The following SCIN variants were observed in gnomAD, a reference collection of about 807,000 sequenced individuals.
SCIN encodes the protein scinderin, also known as adseverin.
In SCIN, 91 loss-of-function variants were observed where a neutral mutation model predicts 91.8. The ratio of observed to expected loss-of-function variants is 0.99; its 90% CI spans 0.84 to 1.18. The LOEUF (loss-of-function observed/expected upper bound fraction) is 1.18. Ranked by LOEUF, SCIN falls within the 50% of genes most tolerant of loss-of-function variation. The pLI is 0.00. For missense variants in SCIN, 1,087 were observed against 863.9 expected (o/e 1.26, Z -3.24); for synonymous variants, 367 against 312.6 (o/e 1.17, Z -1.84).
chr7:12,609,854 G>T (rs1783155858), intron 4 of SCIN, among the ~76,000 whole-genome samples: 1 of 118,958 alleles, frequency 8.4e-6, no homozygotes, highest in African/African-American at 3.2e-5. Flanking sequence ...TACATGCAAT[G>T]ATTGTTTCAG....
chr7:12,572,323 A>G (rs1243494314), intron 1 of SCIN, among the ~76,000 whole-genome samples: 1 of 152,240 alleles, frequency 6.6e-6, no homozygotes, highest in Non-Finnish European at 1.5e-5. Context: ...TATTCCTATT[A>G]TAATGTTGTA....
intron 3 of SCIN, among the ~76,000 whole-genome samples, chr7:12,600,450 G>T (rs1010642411): frequency 1.3e-5 from 2 of 152,024 alleles, no homozygotes; most frequent in African/African-American, 4.8e-5. Context: ...CACCACTAAA[G>T]AACTTATTCA....
intron 9 of SCIN, among the ~76,000 whole-genome samples, chr7:12,629,894 T>A (rs946056610): frequency 1.3e-5 from 2 of 152,032 alleles, no homozygotes; most frequent in African/African-American, 4.8e-5. Flanking sequence ...TAATGTGAAA[T>A]TCTCTAACTT....
chr7:12,605,196 C>T lies in SCIN; in HGVS notation c.666+533C>T, dbSNP rs557696606. On this transcript the variant is annotated intron_variant, in intron 4 of 15. Coordinates refer to ENST00000297029, the MANE Select transcript of SCIN (RefSeq NM_001112706.3). ...CCTCCCTAGTAGCTGGGACTACAGG[C>T]GCCCACCACCATACCTGGCTAATTT... 6.6e-5 allele frequency among the ~76,000 whole-genome samples: 10 copies of T among 152,226 alleles called. No homozygotes were observed. In the East Asian group the frequency reaches 9.7e-4, roughly 15 times the overall value.
At chr7:12,607,414 C>T (rs1219127100) in intron 4 of SCIN, among the ~76,000 whole-genome samples, 4 of 151,654 alleles carry the variant, frequency 2.6e-5, no homozygotes, top group Admixed American at 1.3e-4. Flanking sequence ...TTCAATGTTT[C>T]GAAAAAGAAA....
intron 2 of SCIN, among the ~76,000 whole-genome samples, chr7:12,579,147 A>G (rs992094226): frequency 3.3e-5 from 5 of 151,982 alleles, no homozygotes; most frequent in African/African-American, 1.2e-4. Context: ...CTTCACTACA[A>G]TTCTGACTGT....
chr7:12,574,445 G>A (rs1782329125), intron 1 of SCIN, among the ~76,000 whole-genome samples: 1 of 152,022 alleles, frequency 6.6e-6, no homozygotes, highest in Admixed American at 6.6e-5. Context: ...TGTTTTTGGT[G>A]GAACTATACA....
chr7:12,610,861 A>G (rs978155663), intron 4 of SCIN, among the ~76,000 whole-genome samples: 4 of 152,220 alleles, frequency 2.6e-5, no homozygotes, highest in Non-Finnish European at 4.4e-5. Context: ...GGCAGATGGC[A>G]TATACTCCAA....
chr7:12,616,819 T>C (rs1783308711), intron 4 of SCIN, among the ~76,000 whole-genome samples: 2 of 152,116 alleles, frequency 1.3e-5, no homozygotes, highest in African/African-American at 4.8e-5. Flanking sequence ...GACAACACAA[T>C]TGTGGACTTC....
intron 3 of SCIN, among the ~76,000 whole-genome samples, chr7:12,586,466 C>T (rs973371199): frequency 6.6e-6 from 1 of 152,050 alleles, no homozygotes; most frequent in African/African-American, 2.4e-5. Context: ...GAAAAGGGAA[C>T]TCTTATACGC....
At chr7:12,632,902 T>A (rs756668849) in intron 9 of SCIN, among the ~76,000 whole-genome samples, 8 of 152,140 alleles carry the variant, frequency 5.3e-5, no homozygotes, top group Non-Finnish European at 2.9e-5. Context: ...ATGTATATAT[T>A]GGGGGGATAT....
chr7:12,613,924 C>A lies in SCIN; in HGVS notation c.667-8877C>A, dbSNP rs140057827. The stretch of plus-strand genomic sequence containing the variant: ...ACATGCTGCTAAAATATATTAATAT[C>A]TGTATGTAAACAAAAAAGCTTCATA... On this transcript the variant is annotated intron_variant, in intron 4 of 15. Transcript: ENST00000297029. Among the ~76,000 whole-genome samples the A allele has an allele frequency of 2.6e-5, 4 of 152,174 alleles. No individual in the cohort carries two copies. The East Asian group carries it at 7.7e-4, about 29-fold the overall frequency.
intron 3 of SCIN, among the ~76,000 whole-genome samples, chr7:12,594,596 G>T (rs1045033493): frequency 1.3e-5 from 2 of 152,146 alleles, no homozygotes; most frequent in African/African-American, 4.8e-5. Flanking sequence ...ACGGATCCCT[G>T]AACGGAGGCC....
In SCIN at chr7:12,578,202, G is replaced by A; in HGVS notation, c.338G>A (p.Gly113Asp). 1 of 1,546,260 alleles carries A rather than the reference G, an allele frequency of 6.5e-7. No homozygotes were observed. Among genetic ancestry groups the A allele is most frequent in the East Asian group, 2.5e-5 (1 of 40,466 alleles). The part of the protein sequence containing the change: ...ESNDFVSYFK[G>D]GLKYKAGGVA... ...AATGACTTTGTTAGCTATTTCAAAG[G>A]CGGTCTGAAATACAAGGTAAGCAGC... The change falls in exon 2 of 16, where the codon GGC (glycine) becomes GAC (aspartate). Residue 113 changes from glycine to aspartate, a missense_variant. By Grantham distance (94) the Gly-to-Asp change is moderately conservative. Coordinates refer to ENST00000297029, the MANE Select transcript of SCIN (RefSeq NM_001112706.3).
At chr7:12,602,166 T>G (rs1782971318) in intron 3 of SCIN, among the ~76,000 whole-genome samples, 1 of 152,186 alleles carries the variant, frequency 6.6e-6, no homozygotes, top group African/African-American at 2.4e-5. Flanking sequence ...CAACTGGGCC[T>G]CCAGGGGTGA....
intron 4 of SCIN, among the ~76,000 whole-genome samples, chr7:12,608,908 G>A (rs1363446676): frequency 6.6e-6 from 1 of 152,176 alleles, no homozygotes; most frequent in African/African-American, 2.4e-5. Flanking sequence ...TCAATTAAAT[G>A]AGCCTGTTTT....
intron 2 of SCIN, among the ~76,000 whole-genome samples, chr7:12,579,160 T>C (rs1782438744): frequency 6.6e-5 from 10 of 152,106 alleles, no homozygotes; most frequent in Admixed American, 6.6e-4. Flanking sequence ...CTGACTGTAA[T>C]ACTAAGTCCG....
rs541169764 is a variant in SCIN at position 12,583,282 on chromosome 7, C to CT, written c.516+2062dup. On this transcript the variant is annotated intron_variant, in intron 3 of 15. Coordinates refer to ENST00000297029, the MANE Select transcript of SCIN (RefSeq NM_001112706.3). ...CCTCATTTGTTTTTACATCTTGACT[C>CT]TGATTTCTGATACCACTTTTATCCT... is the stretch of plus-strand genomic sequence containing the variant. Among the ~76,000 whole-genome samples the CT allele has an allele frequency of 2.1e-3, 320 of 152,218 alleles. 1 individual carries two copies. The highest frequency in any genetic ancestry group is 2.3e-3 in the Non-Finnish European group (159 of 67,998).
At chr7:12,629,624 T>C (rs7792051) in intron 9 of SCIN, among the ~76,000 whole-genome samples, 109 of 152,294 alleles carry the variant, frequency 7.2e-4, no homozygotes, top group African/African-American at 2.5e-3. Context: ...GCAAAACCTG[T>C]AGGAGATACA....
Sources: allele counts gnomAD v4.1 joint callset (sites outside exome capture counted in the v4.1 genomes callset), GRCh38; gene constraint gnomAD v4.1.1; transcripts MANE v1.5; gene names NCBI Gene and HGNC (gene_info 2026-07-23, HGNC 2026-07-21).